Variants in ABHD18 observed in about 807,000 individuals in gnomAD.
ABHD18 encodes cardiolipin-specific deacylase, mitochondrial.
ABHD18 carries 55 observed loss-of-function variants against 65.9 expected under a neutral mutation model. The ratio of observed to expected loss-of-function variants is 0.84; its 90% CI spans 0.67 to 1.05. ABHD18 has a LOEUF of 1.05. ABHD18 is among the 50% of genes least tolerant of loss of function. The probability of loss-of-function intolerance (pLI) is 0.00; values close to 1 mark genes in which losing one functional copy is unlikely to be tolerated. For missense variants in ABHD18, 533 were observed against 558.5 expected (o/e 0.95, Z 0.46); for synonymous variants, 181 against 180.2 (o/e 1.00, Z -0.04).
intron 3 of ABHD18, among the ~76,000 whole-genome samples, chr4:127,986,630 G>A (rs1320232939): frequency 9.2e-5 from 14 of 152,058 alleles, no homozygotes; most frequent in Admixed American, 7.9e-4. Context: ...ACTTTTTGAC[G>A]AACTGTCAAA....
chr4:128,034,552 C>G (rs148043729), intron 12 of ABHD18, among the ~76,000 whole-genome samples: 1 of 151,020 alleles, frequency 6.6e-6, no homozygotes, highest in Non-Finnish European at 1.5e-5. Flanking sequence ...CCACTGCACT[C>G]AAGCCTAGGC....
At chr4:127,988,628 T>C (rs187237786) in intron 3 of ABHD18, among the ~76,000 whole-genome samples, 1 of 152,254 alleles carries the variant, frequency 6.6e-6, no homozygotes, top group Non-Finnish European at 1.5e-5. Context: ...ATTTTACATT[T>C]TTCAAAAGAA....
chr4:127,976,628 G>A (rs188851805), intron 1 of ABHD18, among the ~76,000 whole-genome samples: 7 of 152,188 alleles, frequency 4.6e-5, no homozygotes, highest in Admixed American at 4.6e-4. Flanking sequence ...ATACTATTTG[G>A]AAACATATTA....
intron 4 of ABHD18, among the ~76,000 whole-genome samples, chr4:128,004,227 G>A (rs963762914): frequency 8.6e-5 from 13 of 151,862 alleles, no homozygotes; most frequent in Admixed American, 3.9e-4. Flanking sequence ...TGAGGCAGGC[G>A]GATCACCTGA....
intron 4 of ABHD18, among the ~76,000 whole-genome samples, chr4:127,994,218 C>T (rs955322629): frequency 6.6e-5 from 10 of 152,100 alleles, no homozygotes; most frequent in African/African-American, 2.2e-4. Context: ...TAAAATAGCT[C>T]ATGAATTGTG....
At chr4:127,980,594 C>T (rs991902903) in intron 1 of ABHD18, among the ~76,000 whole-genome samples, 2 of 150,984 alleles carry the variant, frequency 1.3e-5, no homozygotes, top group Admixed American at 6.7e-5. Context: ...GAGGCCAAGG[C>T]GGACGGATAA....
intron 1 of ABHD18, among the ~76,000 whole-genome samples, chr4:127,971,640 G>A (rs1746831655): frequency 6.6e-6 from 1 of 151,550 alleles, no homozygotes; most frequent in Admixed American, 6.6e-5. Flanking sequence ...ACAGGCACCC[G>A]CCACCACGCC....
chr4:127,968,137 G>A (rs1033932754), intron 1 of ABHD18, among the ~76,000 whole-genome samples: 2 of 152,238 alleles, frequency 1.3e-5, no homozygotes, highest in African/African-American at 4.8e-5. Context: ...GTGAACCCGG[G>A]AGGCGGAGCT....
At chr4:127,989,255 G>T (rs1157365688) in intron 3 of ABHD18, among the ~76,000 whole-genome samples, 1 of 152,092 alleles carries the variant, frequency 6.6e-6, no homozygotes, top group Non-Finnish European at 1.5e-5. Flanking sequence ...ATAGATTGAT[G>T]ATTATCAGAG....
At chr4:128,012,998 G>A (rs949554572) in intron 7 of ABHD18, among the ~76,000 whole-genome samples, 1 of 149,634 alleles carries the variant, frequency 6.7e-6, no homozygotes, top group Non-Finnish European at 1.5e-5. Context: ...CCTAGGAGGC[G>A]GACGTTGCAG....
At chr4:127,966,694 TAAAAATACAAAAAAAAAAA>T in intron 1 of ABHD18, among the ~76,000 whole-genome samples, 1 of 40,702 alleles carries the variant, frequency 2.5e-5, no homozygotes, top group African/African-American at 1.6e-4. Flanking sequence ...CCGTCTCTAC[TAAAAATACAAAAAAAAAAA>T]AAAAAAAAAA....
intron 12 of ABHD18, among the ~76,000 whole-genome samples, chr4:128,032,407 C>T (rs1271852795): frequency 6.6e-6 from 1 of 152,338 alleles, no homozygotes; most frequent in East Asian, 1.9e-4. Flanking sequence ...AAAGAAGCCG[C>T]CAGGTGCGGT....
intron 1 of ABHD18, among the ~76,000 whole-genome samples, chr4:127,981,619 A>G (rs760730735): frequency 9.9e-5 from 15 of 152,220 alleles, no homozygotes; most frequent in Non-Finnish European, 1.9e-4. Flanking sequence ...TGGTTCATCT[A>G]TGGTGAACTG....
At chr4:128,010,242 G>A (rs1056099265) in intron 6 of ABHD18, among the ~76,000 whole-genome samples, 7 of 152,124 alleles carry the variant, frequency 4.6e-5, no homozygotes, top group African/African-American at 1.7e-4. Context: ...GTGAATGTAG[G>A]ATATAGGCCA....
intron 12 of ABHD18, among the ~76,000 whole-genome samples, chr4:128,033,524 CTTTT>C (rs869099600): frequency 5.5e-5 from 6 of 108,630 alleles, no homozygotes; most frequent in East Asian, 3.3e-4. Context: ...CAAAGATAGT[CTTTT>C]TTTTTTTTTT....
intron 2 of ABHD18, 41 bp downstream of exon 2, chr4:127,983,088 T>G (rs1330180721): frequency 1.3e-5 from 17 of 1,352,714 alleles, no homozygotes; most frequent in Non-Finnish European, 1.4e-5. Flanking sequence ...CTGAATTTGT[T>G]GTTTTAATGA....
At chr4:127,966,756 G>C (rs1745602830) in intron 1 of ABHD18, among the ~76,000 whole-genome samples, 1 of 139,242 alleles carries the variant, frequency 7.2e-6, no homozygotes, top group Non-Finnish European at 1.5e-5. Flanking sequence ...GTGGTGGCGG[G>C]CGCCTATAGT....
chr4:128,003,065 A>G (rs897681756), intron 4 of ABHD18, among the ~76,000 whole-genome samples: 1 of 152,018 alleles, frequency 6.6e-6, no homozygotes, highest in Admixed American at 6.6e-5. Flanking sequence ...TTATTTGGTC[A>G]TTGTAGAAAT....
chr4:127,990,545 G>C (rs1435828963), intron 4 of ABHD18, among the ~76,000 whole-genome samples: 2 of 152,144 alleles, frequency 1.3e-5, no homozygotes, highest in Admixed American at 6.5e-5. Context: ...CTGGGCCACA[G>C]AGTGAGACTC....
Sources: gnomAD v4.1 joint callset for allele counts (sites outside exome capture counted in the v4.1 genomes callset) on GRCh38, gnomAD v4.1.1 for gene constraint, MANE v1.5 for transcripts, NCBI Gene and HGNC (gene_info 2026-07-23, HGNC 2026-07-21) for gene names.